The following DCUN1D1 variants were observed in gnomAD, a reference collection of about 807,000 sequenced individuals.
DCUN1D1 encodes defective in cullin neddylation 1 domain containing 1, also known as DCN1-like protein 1.
Under a neutral mutation model 39.0 loss-of-function variants are expected in DCUN1D1, and 3 were observed. The observed-to-expected ratio is 0.08, with a 90% CI of 0.04 to 0.20. DCUN1D1 has a LOEUF of 0.20. Among genes scored for constraint, DCUN1D1 ranks in the 10% least tolerant of loss-of-function variants. The pLI, the probability that DCUN1D1 is intolerant of heterozygous loss-of-function variation, is 1.00. For synonymous variants in DCUN1D1, 82 were observed against 96.3 expected (o/e 0.85, Z 0.87); for missense variants, 158 against 302.4 (o/e 0.52, Z 3.54).
chr3:182,983,458 GTAA>G (rs1728624229), upstream of DCUN1D1, among the ~76,000 whole-genome samples: 1 of 152,226 alleles, frequency 6.6e-6, no homozygotes. Context: ...GCTCACGCCT[GTAA>G]TCCCAGCACT....
At chr3:182,964,755 C>T (rs1727582449) in intron 2 of DCUN1D1, among the ~76,000 whole-genome samples, 1 of 151,194 alleles carries the variant, frequency 6.6e-6, no homozygotes, top group African/African-American at 2.4e-5. Flanking sequence ...ATTCTTCTGC[C>T]TCAGCCTCCT....
upstream of DCUN1D1, among the ~76,000 whole-genome samples, chr3:182,981,559 A>G (rs2108411691): frequency 6.6e-6 from 1 of 152,154 alleles, no homozygotes; most frequent in East Asian, 1.9e-4. Context: ...CAGGAAGGAA[A>G]TAAAACAGCT....
intron 1 of DCUN1D1, among the ~76,000 whole-genome samples, chr3:182,971,380 C>G (rs1033467548): frequency 1.3e-5 from 2 of 151,922 alleles, no homozygotes; most frequent in Non-Finnish European, 2.9e-5. Context: ...GCCTGGGCAG[C>G]ACAGGAAGAC....
At position 182,945,121 on chromosome 3, in the gene DCUN1D1, A is replaced by C. The variant is rs1344533717; in HGVS notation, c.753T>G (p.Ile251Met). Residue 251 changes from isoleucine (I) to methionine (M), a missense_variant, in exon 7 of 7, where the codon ATT (isoleucine) becomes ATG (methionine). Transcript: ENST00000292782. ...DDFVEFARPQ[I>M]AGTKSTTV ...ACACTGTTGTACTTTTTGTCCCAGC[A>C]ATTTGAGGGCGTGCAAATTCCACAA... is the stretch of plus-strand genomic sequence containing the variant. 1 of 1,613,086 alleles carries C rather than the reference A, an allele frequency of 6.2e-7. No individual in the cohort carries two copies. The highest frequency in any genetic ancestry group is 1.3e-5 in the African/African-American group (1 of 74,848).
chr3:182,943,081 C>A lies in DCUN1D1; in HGVS notation c.*2013G>T, dbSNP rs1365853196. ...AAAATCCAAGGCACTAGGCCACGAA[C>A]CAATATGACTTTTAAAGAAAACACT... On this transcript the variant is annotated 3_prime_UTR_variant, in exon 7 of 7. Transcript: ENST00000292782. 2.2e-5 allele frequency: 3 copies of A among 139,518 alleles called. No individual in the cohort carries two copies. The highest frequency in any genetic ancestry group is 3.1e-5 in the Non-Finnish European group (2 of 65,254). 8.6% of individuals were successfully genotyped at this position (139,518 alleles called of 1,614,324 possible). A position where few individuals can be genotyped will look rare whatever the true frequency, so the allele number is the denominator to read the frequency against.
At chr3:182,966,923 A>G (rs1049267544) in intron 1 of DCUN1D1, among the ~76,000 whole-genome samples, 9 of 152,136 alleles carry the variant, frequency 5.9e-5, no homozygotes, top group African/African-American at 2.2e-4. Context: ...CCTGCCCAAC[A>G]TGGTGAAACC....
In DCUN1D1 at chr3:182,944,774, G is replaced by T; in HGVS notation, c.*320C>A. 1 of 215,792 alleles carries T rather than the reference G, an allele frequency of 4.6e-6. No homozygotes were observed. Among genetic ancestry groups the T allele is most frequent in the African/African-American group, 2.3e-5 (1 of 43,456 alleles). 13.4% of individuals were successfully genotyped at this position (215,792 alleles called of 1,614,324 possible). On this transcript the variant is annotated 3_prime_UTR_variant, in exon 7 of 7. Transcript: ENST00000292782. ...ACAGCATTGTGCTTTATGCGAGAAT[G>T]AAAACCTCAAAATAATCACCATAAA... is the stretch of plus-strand genomic sequence containing the variant.
rs1188487438 is a variant in DCUN1D1 at position 182,941,943 on chromosome 3, GCTA to G, written c.*3148_*3150del. 2 of 151,990 alleles carry G rather than the reference GCTA, an allele frequency of 1.3e-5. No individual in the cohort carries two copies. The highest frequency in any genetic ancestry group is 2.1e-4 in the South Asian group (1 of 4,824). The allele number at this position is 151,990 out of a possible 1,614,324, so 9.4% of individuals were successfully genotyped here. On this transcript the variant is annotated 3_prime_UTR_variant, in exon 7 of 7. Coordinates refer to ENST00000292782, the MANE Select transcript of DCUN1D1 (RefSeq NM_020640.4). ...CCTAAGCAAAGTGTACATTAAGTTA[GCTA>G]CTACTACTCACTTCTTGATTATCAT...
intron 4 of DCUN1D1, among the ~76,000 whole-genome samples, chr3:182,959,501 C>CAA (rs11373344): frequency 0.39 from 31,871 of 81,252 alleles, 3,587 homozygotes; most frequent in Middle Eastern, 0.5. Context: ...CTTCAAAAAC[C>CAA]AAAAAAAAAA....
upstream of DCUN1D1, chr3:182,980,773 C>G (rs2108410181): frequency 6.2e-6 from 1 of 161,666 alleles, no homozygotes; most frequent in East Asian, 1.9e-4. Context: ...AAGCCCTCCG[C>G]GCGCCGACAT....
upstream of DCUN1D1, among the ~76,000 whole-genome samples, chr3:182,981,131 G>T (rs1444873760): frequency 6.6e-6 from 1 of 152,012 alleles, no homozygotes; most frequent in Non-Finnish European, 1.5e-5. Context: ...CCCCTGCGGT[G>T]GCTGTCACTC....
At chr3:182,961,506 A>G in intron 3 of DCUN1D1, 150 bp from the exon 4 acceptor site, 1 of 722,680 alleles carries the variant, frequency 1.4e-6, no homozygotes, top group Non-Finnish European at 2.3e-6. Context: ...TTACATAAAT[A>G]TAAACACGCA....
intron 4 of DCUN1D1, chr3:182,956,158 C>T (rs1727051092): frequency 4.6e-6 from 1 of 218,378 alleles, no homozygotes; most frequent in African/African-American, 2.3e-5. Context: ...GAACGCCTGA[C>T]CACAAGTGAT....
At chr3:182,964,233 T>C (rs535993245) in intron 2 of DCUN1D1, among the ~76,000 whole-genome samples, 184 bp from the exon 3 acceptor site, 2 of 152,326 alleles carry the variant, frequency 1.3e-5, no homozygotes, top group South Asian at 4.1e-4. Context: ...ACAGCATTCT[T>C]AAAGTGTAGA....
intron 1 of DCUN1D1, among the ~76,000 whole-genome samples, chr3:182,965,961 G>C (rs1399613407): frequency 6.6e-6 from 1 of 152,120 alleles, no homozygotes; most frequent in Non-Finnish European, 1.5e-5. Context: ...AGTTTTGGAA[G>C]AGAAATAGGA....
chr3:182,945,206 AG>A, intron 6 of DCUN1D1, 33 bp from the exon 7 acceptor site: 1 of 1,547,350 alleles, frequency 6.5e-7, no homozygotes. Flanking sequence ...AAGAAAGAGA[AG>A]GGGGAAAAAA....
At chr3:182,959,914 A>G (rs1383934731) in intron 4 of DCUN1D1, among the ~76,000 whole-genome samples, 2 of 152,108 alleles carry the variant, frequency 1.3e-5, no homozygotes, top group South Asian at 2.1e-4. Flanking sequence ...GGAGTGTGTT[A>G]TTATAAAGCG....
At chr3:182,952,118 C>T (rs1726785719) in intron 4 of DCUN1D1, among the ~76,000 whole-genome samples, 2 of 152,290 alleles carry the variant, frequency 1.3e-5, no homozygotes, top group South Asian at 4.1e-4. Flanking sequence ...TCTGAAGGGT[C>T]ATCAGACCCT....
At chr3:182,975,401 C>A (rs912393770) in intron 1 of DCUN1D1, among the ~76,000 whole-genome samples, 137 of 152,020 alleles carry the variant, frequency 9.0e-4, no homozygotes, top group African/African-American at 3.2e-3. Flanking sequence ...TGGTCTTGAT[C>A]TCCTGACCTT....
Sources: gnomAD v4.1 joint callset for allele counts (sites outside exome capture counted in the v4.1 genomes callset) on GRCh38, gnomAD v4.1.1 for gene constraint, MANE v1.5 for transcripts, NCBI Gene and HGNC (gene_info 2026-07-23, HGNC 2026-07-21) for gene names.